Variants in DPP10 observed in about 807,000 individuals in gnomAD.
DPP10 encodes the protein dipeptidyl peptidase like 10, also known as inactive dipeptidyl peptidase 10.
A neutral mutation model predicts 120.9 loss-of-function variants in DPP10; 33 were observed. The ratio of observed to expected loss-of-function variants is 0.27; its 90% CI spans 0.21 to 0.37. The LOEUF (loss-of-function observed/expected upper bound fraction) is 0.37. DPP10 is among the 10% of genes least tolerant of loss of function. The pLI, the probability that DPP10 is intolerant of heterozygous loss-of-function variation, is 1.00. For missense variants in DPP10, 816 were observed against 942.8 expected (o/e 0.87, Z 1.76); for synonymous variants, 337 against 326.1 (o/e 1.03, Z -0.36).
intron 1 of DPP10, among the ~76,000 whole-genome samples, chr2:114,714,838 CAT>C (rs954431202): frequency 3.9e-5 from 6 of 151,910 alleles, no homozygotes; most frequent in Non-Finnish European, 8.8e-5. Context: ...TTTTCCACAT[CAT>C]GTGATATTAG....
At chr2:114,712,876 A>G (rs1204269839) in intron 1 of DPP10, among the ~76,000 whole-genome samples, 2 of 152,172 alleles carry the variant, frequency 1.3e-5, no homozygotes, top group Non-Finnish European at 2.9e-5. Context: ...AGAGTTGTAT[A>G]ATATTATTTC....
At chr2:115,072,188 A>G (rs1326137822) in intron 1 of DPP10, among the ~76,000 whole-genome samples, 1 of 152,190 alleles carries the variant, frequency 6.6e-6, no homozygotes, top group Non-Finnish European at 1.5e-5. Context: ...TAAAAAGCAC[A>G]TATATCACCT....
intron 1 of DPP10, among the ~76,000 whole-genome samples, chr2:115,197,505 A>G (rs919500120): frequency 2.0e-5 from 3 of 152,184 alleles, no homozygotes; most frequent in African/African-American, 7.2e-5. Context: ...TCACATCAGC[A>G]GTGGTCTAAT....
intron 1 of DPP10, among the ~76,000 whole-genome samples, chr2:114,974,443 A>G (rs1699616076): frequency 7.2e-6 from 1 of 138,396 alleles, no homozygotes. Context: ...TTTGAAGCAG[A>G]GTCTCACTCT....
At chr2:115,010,099 T>C (rs13427178) in intron 1 of DPP10, among the ~76,000 whole-genome samples, 2,716 of 152,350 alleles carry the variant, frequency 0.018, 76 homozygotes, top group African/African-American at 0.063. Context: ...TAATAAACCT[T>C]ACTTAAATAT....
intron 1 of DPP10, among the ~76,000 whole-genome samples, chr2:114,777,312 A>C (rs1198930185): frequency 5.9e-5 from 9 of 152,138 alleles, no homozygotes. Flanking sequence ...TCCTGGTCCA[A>C]CTTTTTTGAA....
chr2:115,208,711 A>G (rs72955549), intron 1 of DPP10, among the ~76,000 whole-genome samples: 2,262 of 152,164 alleles, frequency 0.015, 51 homozygotes, highest in African/African-American at 0.051. Context: ...GTGTTGGAGA[A>G]ATGGACAAGG....
intron 24 of DPP10, among the ~76,000 whole-genome samples, chr2:115,837,719 G>A (rs1689676053): frequency 6.6e-6 from 1 of 152,008 alleles, no homozygotes; most frequent in African/African-American, 2.4e-5. Flanking sequence ...TTACCTCCAT[G>A]GTTTAGTACT....
chr2:115,039,724 G>A (rs1704492877), intron 1 of DPP10, among the ~76,000 whole-genome samples: 1 of 152,116 alleles, frequency 6.6e-6, no homozygotes, highest in South Asian at 2.1e-4. Flanking sequence ...GGGTTCTAAA[G>A]ACTGCATATT....
intron 2 of DPP10, among the ~76,000 whole-genome samples, chr2:115,339,557 A>G (rs116034175): frequency 3.1e-3 from 471 of 152,216 alleles, no homozygotes; most frequent in African/African-American, 0.011. Context: ...AATAACAATA[A>G]CTCAAATGTT....
intron 5 of DPP10, among the ~76,000 whole-genome samples, chr2:115,644,977 G>C (rs1208979378): frequency 6.6e-6 from 1 of 152,088 alleles, no homozygotes; most frequent in Admixed American, 6.6e-5. Context: ...ATATGAGTAA[G>C]TCAGAGGAAA....
In DPP10 at chr2:114,459,994, A is replaced by T. The variant is rs143467067; in HGVS notation, c.60+17156A>T. On this transcript the variant is annotated intron_variant, in intron 1 of 25. Transcript: ENST00000410059. ...CATTAAAGACCTTTTCATTACCTGAAATCTTCTTACAAACCATCTACCAAG... is the reference window on the plus strand; with the variant it reads ...CATTAAAGACCTTTTCATTACCTGATATCTTCTTACAAACCATCTACCAAG... Among the ~76,000 whole-genome samples, 95 of 152,260 alleles carry T rather than the reference A, an allele frequency of 6.2e-4. 2 individuals carry two copies. Among genetic ancestry groups the T allele is most frequent in the African/African-American group, 2.2e-3 (93 of 41,544 alleles).
At chr2:115,805,120 C>T (rs1046406346) in intron 19 of DPP10, among the ~76,000 whole-genome samples, 2 of 152,154 alleles carry the variant, frequency 1.3e-5, no homozygotes, top group Non-Finnish European at 2.9e-5. Flanking sequence ...CTACTCAAGC[C>T]TCAGCAATGG....
Position 114,657,089 on chromosome 2 carries a change from C to T in DPP10, c.60+214251C>T, listed in dbSNP as rs113319197. Among the ~76,000 whole-genome samples the T allele has an allele frequency of 2.8e-4, 43 of 152,164 alleles. 1 individual carries two copies. The East Asian group carries it at 3.3e-3, about 12-fold the overall frequency. On this transcript the variant is annotated intron_variant, in intron 1 of 25. Coordinates refer to ENST00000410059, the MANE Select transcript of DPP10 (RefSeq NM_020868.6). The stretch of plus-strand genomic sequence containing the variant: ...GTCAGTACTAGGTGTCTCTGCTGTG[C>T]TCCGAATCTGGAAGATTAATGGGTA...
intron 1 of DPP10, among the ~76,000 whole-genome samples, chr2:114,675,684 G>C (rs764361928): frequency 2.0e-5 from 3 of 152,110 alleles, no homozygotes; most frequent in Non-Finnish European, 4.4e-5. Context: ...CCATGCCCAA[G>C]CCTTACTCAG....
intron 1 of DPP10, among the ~76,000 whole-genome samples, chr2:115,305,740 A>C: frequency 6.6e-6 from 1 of 151,936 alleles, no homozygotes; most frequent in East Asian, 1.9e-4. Flanking sequence ...CCTCTCTCTA[A>C]CAACATTTTT....
chr2:114,845,202 C>T (rs1423088611), intron 1 of DPP10, among the ~76,000 whole-genome samples: 1 of 152,066 alleles, frequency 6.6e-6, no homozygotes, highest in African/African-American at 2.4e-5. Context: ...ACTCAACCCA[C>T]ATATGGGATG....
intron 1 of DPP10, among the ~76,000 whole-genome samples, chr2:114,631,299 T>G (rs917221082): frequency 1.1e-4 from 16 of 152,068 alleles, no homozygotes; most frequent in African/African-American, 3.9e-4. Flanking sequence ...TTTGACCCAC[T>G]GTGAGTCCCC....
chr2:115,472,269 C>A (rs998652173), intron 3 of DPP10, among the ~76,000 whole-genome samples: 3 of 152,122 alleles, frequency 2.0e-5, no homozygotes, highest in African/African-American at 7.2e-5. Context: ...AAGTTACTTA[C>A]CCAATGTCTC....
Sources: gnomAD v4.1 joint callset for allele counts (sites outside exome capture counted in the v4.1 genomes callset) on GRCh38, gnomAD v4.1.1 for gene constraint, MANE v1.5 for transcripts, NCBI Gene and HGNC (gene_info 2026-07-23, HGNC 2026-07-21) for gene names.